Variants in OGDH observed in about 807,000 individuals in gnomAD.
OGDH encodes 2-oxoglutarate dehydrogenase complex component E1.
Under a neutral mutation model 116.6 loss-of-function variants are expected in OGDH, and 38 were observed. The ratio of observed to expected loss-of-function variants is 0.33; its 90% CI spans 0.25 to 0.43. OGDH has a LOEUF of 0.43. Among genes scored for constraint, OGDH ranks in the 20% least tolerant of loss-of-function variants. The probability of loss-of-function intolerance (pLI) is 1.00; values close to 1 mark genes in which losing one functional copy is unlikely to be tolerated. For synonymous variants in OGDH, 488 were observed against 533.3 expected, an observed-to-expected ratio of 0.92 and a Z score of 1.17; for missense variants, 825 against 1,357.2, an observed-to-expected ratio of 0.61 and a Z score of 6.16.
intron 2 of OGDH, among the ~76,000 whole-genome samples, chr7:44,630,990 G>A (rs534611654): frequency 2.6e-5 from 4 of 152,278 alleles, no homozygotes; most frequent in Admixed American, 2.6e-4. Context: ...ACAGGAGGTG[G>A]AGCTCAGGTG....
intron 4 of OGDH, 88 bp from the exon 5 acceptor site, chr7:44,666,648 T>G: frequency 1.7e-6 from 1 of 576,064 alleles, no homozygotes; most frequent in South Asian, 3.8e-5. Context: ...ACCTGGGGAG[T>G]TCCTTCCCCT....
At chr7:44,662,089 A>G (rs1786971963) in intron 4 of OGDH, among the ~76,000 whole-genome samples, 1 of 152,116 alleles carries the variant, frequency 6.6e-6, no homozygotes, top group Non-Finnish European at 1.5e-5. Context: ...TATTTTCTCT[A>G]CATACATTTA....
intron 5 of OGDH, among the ~76,000 whole-genome samples, chr7:44,671,942 G>A (rs1218653393): frequency 2.7e-5 from 4 of 149,742 alleles, no homozygotes; most frequent in Admixed American, 6.7e-5. Flanking sequence ...GGTGGCGGGC[G>A]CCTGTAGTCC....
At position 44,694,863 on chromosome 7, in the gene OGDH, G is replaced by A. The variant is rs1014980077; in HGVS notation, c.1668+287G>A. Among the ~76,000 whole-genome samples, 1 of 152,190 alleles carries A rather than the reference G, an allele frequency of 6.6e-6. No homozygotes were observed. The highest frequency in any genetic ancestry group is 2.1e-4 in the South Asian group (1 of 4,828). On this transcript the variant is annotated intron_variant, in intron 12 of 22. Coordinates refer to ENST00000222673, the MANE Select transcript of OGDH (RefSeq NM_002541.4). The surrounding 1 kb of genome is among the most constrained non-coding windows in gnomAD (Gnocchi z 4.2). ...TAGGTTTTCTCAGATTTCACAAATT[G>A]TGCATGGTTGAGAGGTGGGTGGTGG... is the stretch of plus-strand genomic sequence containing the variant.
At chr7:44,702,552 G>T (rs185553581) in intron 20 of OGDH, among the ~76,000 whole-genome samples, 65 of 151,808 alleles carry the variant, frequency 4.3e-4, no homozygotes, top group African/African-American at 1.2e-3. Flanking sequence ...TTTTTTGGGG[G>T]TTTTTTCCCA....
intron 8 of OGDH, 71 bp downstream of exon 8, chr7:44,675,339 C>G: frequency 8.3e-7 from 1 of 1,208,340 alleles, no homozygotes; most frequent in Non-Finnish European, 1.2e-6. Context: ...CCACTTCTTT[C>G]TTAGAATGAC....
In OGDH at chr7:44,624,424, A is replaced by G. The variant is rs1379604255; in HGVS notation, c.81A>G (p.Arg27=). ...CTGTTAAGACATTTTCACAAAACAG[A>G]CCAGCAGCAGCTAGGACATTTCAAC... ...SQTVKTFSQN[R]PAAARTFQQI... Residue 27 remains arginine (R), a synonymous_variant, in exon 2 of 23, where the codon AGA becomes AGG. Transcript: ENST00000222673. 1 of 1,612,930 alleles carries G rather than the reference A, an allele frequency of 6.2e-7. No homozygotes were observed. The highest frequency in any genetic ancestry group is 1.1e-5 in the South Asian group (1 of 90,990).
chr7:44,708,137 A>T lies in OGDH; in HGVS notation c.*138A>T, dbSNP rs1789170760. 2.4e-6 allele frequency: 3 copies of T among 1,229,104 alleles called. No homozygotes were observed. The highest frequency in any genetic ancestry group is 4.6e-5 in the Admixed American group (2 of 43,476). The allele number at this position is 1,229,104 out of a possible 1,614,324, so 76.1% of individuals were successfully genotyped here. ...TGCCACCACCCCTCCCTCTGCTCTC[A>T]TAGGAGTTAGGCTGTCGTCCCCCTC... On this transcript the variant is annotated 3_prime_UTR_variant, in exon 23 of 23. Coordinates refer to ENST00000222673, the MANE Select transcript of OGDH (RefSeq NM_002541.4).
intron 20 of OGDH, among the ~76,000 whole-genome samples, chr7:44,702,697 ATT>A (rs1278741819): frequency 6.6e-6 from 1 of 152,086 alleles, no homozygotes; most frequent in Non-Finnish European, 1.5e-5. Flanking sequence ...GGTTCACGCC[ATT>A]CTCCCACCTC....
chr7:44,687,413 T>G (rs780572260), intron 10 of OGDH, among the ~76,000 whole-genome samples: 15 of 150,936 alleles, frequency 9.9e-5, no homozygotes, highest in Non-Finnish European at 1.8e-4. Flanking sequence ...AAAAGAAATT[T>G]TTTTTGTTTT....
Position 44,674,535 on chromosome 7 carries a change from G to C in OGDH, c.913G>C (p.Val305Leu). 1.2e-6 allele frequency: 2 copies of C among 1,614,116 alleles called. No homozygotes were observed. Among genetic ancestry groups the C allele is most frequent in the East Asian group, 2.2e-5 (1 of 44,880 alleles). The stretch of plus-strand genomic sequence containing the variant: ...GTCTAGTGAGAATGGCGTGGACTAC[G>C]TGATCATGGGCATGCCACACAGGTA... ...DKSSENGVDY[V>L]IMGMPHRGRL... The change falls in exon 7 of 23, where the codon GTG (valine) becomes CTG (leucine). Residue 305 changes from valine to leucine, a missense_variant. Val to Leu is a conservative substitution (Grantham distance 32). Transcript: ENST00000222673.
At chr7:44,616,106 C>T (rs1165228770) in intron 1 of OGDH, among the ~76,000 whole-genome samples, 1 of 151,924 alleles carries the variant, frequency 6.6e-6, no homozygotes, top group Non-Finnish European at 1.5e-5. Flanking sequence ...TTCTCTCCAC[C>T]TTTCACAGTC....
intron 10 of OGDH, among the ~76,000 whole-genome samples, chr7:44,686,046 C>CTTTTTTTTTTTTT (rs947000633): frequency 1.8e-3 from 265 of 144,676 alleles, no homozygotes; most frequent in African/African-American, 5.7e-3. Flanking sequence ...TTCTTTCTTT[C>CTTTTTTTTTTTTT]TTTTTTTTTT....
chr7:44,700,319 T>C, intron 19 of OGDH, 50 bp downstream of exon 19: 2 of 1,607,228 alleles, frequency 1.2e-6, no homozygotes, highest in Non-Finnish European at 1.7e-6. Flanking sequence ...CCTGCCCTGT[T>C]GGTGCAGGGA....
At chr7:44,675,319 A>G in intron 8 of OGDH, 51 bp downstream of exon 8, 2 of 1,429,484 alleles carry the variant, frequency 1.4e-6, no homozygotes. Flanking sequence ...CTTACACAAG[A>G]CCCCTGGCTC....
At chr7:44,646,475 C>T (rs2115795760) in intron 3 of OGDH, among the ~76,000 whole-genome samples, 1 of 152,350 alleles carries the variant, frequency 6.6e-6, no homozygotes, top group South Asian at 2.1e-4. Context: ...GTGTATTCTG[C>T]CTTAGAAAGG....
chr7:44,608,318 G>T (rs1292318750), intron 1 of OGDH, among the ~76,000 whole-genome samples: 1 of 152,164 alleles, frequency 6.6e-6, no homozygotes, highest in Non-Finnish European at 1.5e-5. Context: ...TGAGGCGGGA[G>T]GATGGCATGA....
chr7:44,684,112 A>C (rs1788036477), intron 10 of OGDH, among the ~76,000 whole-genome samples: 1 of 152,200 alleles, frequency 6.6e-6, no homozygotes, highest in African/African-American at 2.4e-5. Flanking sequence ...ATTGGGGAGC[A>C]TCAGATCAAG....
In OGDH at chr7:44,624,333, T is replaced by TA. The variant is rs748263983; in HGVS notation, c.-11_-10insA. 5 of 1,472,548 alleles carry TA rather than the reference T, an allele frequency of 3.4e-6. No homozygotes were observed. The highest frequency in any genetic ancestry group is 4.7e-6 in the Non-Finnish European group (5 of 1,061,764). 91.2% of individuals were successfully genotyped at this position (1,472,548 alleles called of 1,614,324 possible). On this transcript the variant is annotated 5_prime_UTR_variant, in exon 2 of 23. Coordinates refer to ENST00000222673, the MANE Select transcript of OGDH (RefSeq NM_002541.4). The stretch of plus-strand genomic sequence containing the variant: ...TTTGTACAGGCAGTTGTGAAAAACT[T>TA]CAGGACAAAAATGTTTCATTTAAGG...
Sources: allele counts gnomAD v4.1 joint callset (sites outside exome capture counted in the v4.1 genomes callset), GRCh38; gene constraint gnomAD v4.1.1; non-coding constraint Gnocchi (gnomAD v3.1); transcripts MANE v1.5; gene names NCBI Gene and HGNC (gene_info 2026-07-23, HGNC 2026-07-21).